The following DYNC2I1 variants were observed in gnomAD, a reference collection of about 807,000 sequenced individuals.
DYNC2I1 encodes dynein 2 intermediate chain 1, also known as cytoplasmic dynein 2 intermediate chain 1.
A neutral mutation model predicts 133.4 loss-of-function variants in DYNC2I1; 89 were observed. The observed-to-expected ratio is 0.67, with a 90% CI of 0.56 to 0.80. DYNC2I1 has a LOEUF of 0.80. Ranked by LOEUF, DYNC2I1 falls within the 30% of genes least tolerant of loss-of-function variation. The pLI is 0.00. For synonymous variants in DYNC2I1, 504 were observed against 484.3 expected, an observed-to-expected ratio of 1.04 and a Z score of -0.54; for missense variants, 1,291 against 1,314.5, an observed-to-expected ratio of 0.98 and a Z score of 0.28.
chr7:158,932,389 G>A (rs1052193400), intron 21 of DYNC2I1, among the ~76,000 whole-genome samples: 2 of 152,192 alleles, frequency 1.3e-5, no homozygotes, highest in Admixed American at 1.3e-4. Context: ...GGTGCCCAGA[G>A]GCACATTTGG....
chr7:158,936,584 G>A (rs1451409927), intron 23 of DYNC2I1, among the ~76,000 whole-genome samples: 1 of 152,224 alleles, frequency 6.6e-6, no homozygotes, highest in African/African-American at 2.4e-5. Flanking sequence ...CCGAGTGCCT[G>A]AAGGAAGAAA....
chr7:158,888,392 A>AT (rs1844830319), intron 7 of DYNC2I1, among the ~76,000 whole-genome samples: 1 of 151,652 alleles, frequency 6.6e-6, no homozygotes, highest in Non-Finnish European at 1.5e-5. Context: ...CTGGAGAATA[A>AT]TTTTTTCTTC....
intron 1 of DYNC2I1, among the ~76,000 whole-genome samples, chr7:158,868,952 C>T (rs1205026570): frequency 6.6e-6 from 1 of 152,222 alleles, no homozygotes; most frequent in Non-Finnish European, 1.5e-5. Context: ...GTCATACATC[C>T]CAGCTGCTGT....
At chr7:158,917,293 A>T (rs556798379) in intron 14 of DYNC2I1, among the ~76,000 whole-genome samples, 4 of 152,000 alleles carry the variant, frequency 2.6e-5, no homozygotes, top group African/African-American at 9.7e-5. Context: ...GCTGGTTGAA[A>T]TTAAGGATGA....
At chr7:158,952,259 C>A (rs892482962) in intron 4 of DYNC2I1, among the ~76,000 whole-genome samples, 7 of 152,160 alleles carry the variant, frequency 4.6e-5, no homozygotes, top group African/African-American at 1.7e-4. Context: ...CACCTTCTGT[C>A]CAGAGCAGTT....
In DYNC2I1 at chr7:158,856,600, C is replaced by T. The variant is rs1400531425; in HGVS notation, c.-136C>T. ...ACGCTGGGCAGTGCTTCTGGGCCCT[C>T]TGCTGCTCCTGCTTGTCGGTTGCTA... On this transcript the variant is annotated 5_prime_UTR_variant, in exon 1 of 25. Coordinates refer to ENST00000407559, the MANE Select transcript of DYNC2I1 (RefSeq NM_018051.5). The T allele has an allele frequency of 3.2e-6, 3 of 937,434 alleles. No homozygotes were observed. Among genetic ancestry groups the T allele is most frequent in the East Asian group, 3.3e-5 (1 of 30,094 alleles). 58.1% of individuals were successfully genotyped at this position (937,434 alleles called of 1,614,324 possible).
intron 8 of DYNC2I1, among the ~76,000 whole-genome samples, chr7:158,893,861 T>C (rs1254512709): frequency 6.6e-6 from 1 of 152,032 alleles, no homozygotes; most frequent in Non-Finnish European, 1.5e-5. Flanking sequence ...CTACCACATA[T>C]TGTACCACAT....
chr7:158,858,495 C>A (rs1841528393), intron 1 of DYNC2I1, among the ~76,000 whole-genome samples: 1 of 152,140 alleles, frequency 6.6e-6, no homozygotes. Context: ...CCATGTCTTT[C>A]ATAAATGGCC....
chr7:158,926,896 TA>T, intron 19 of DYNC2I1, 95 bp from the exon 20 acceptor site: 1 of 888,982 alleles, frequency 1.1e-6, no homozygotes, highest in Non-Finnish European at 1.7e-6. Flanking sequence ...TTTTAGTACC[TA>T]AATAGCACTC....
chr7:158,940,922 A>T (rs1206319044), intron 23 of DYNC2I1, among the ~76,000 whole-genome samples: 1 of 152,208 alleles, frequency 6.6e-6, no homozygotes, highest in African/African-American at 2.4e-5. Flanking sequence ...CACCTCAAGG[A>T]AGGAGAAAAG....
In DYNC2I1 at chr7:158,902,216, C is replaced by T. The variant is rs1355118304; in HGVS notation, c.1138-160C>T. On this transcript the variant is annotated intron_variant, in intron 9 of 24. Coordinates refer to ENST00000407559, the MANE Select transcript of DYNC2I1 (RefSeq NM_018051.5). ...AAGGTAGCAGTTTATATAAATTTAC[C>T]TTCAAAAACATTAAAATCAGGGAAC... Among the ~76,000 whole-genome samples, 8 of 152,146 alleles carry T rather than the reference C, an allele frequency of 5.3e-5. No individual in the cohort carries two copies. The East Asian group carries it at 1.4e-3, about 26-fold the overall frequency.
intron 4 of DYNC2I1, among the ~76,000 whole-genome samples, chr7:158,951,803 C>T (rs1174823986): frequency 6.6e-6 from 1 of 152,212 alleles, no homozygotes; most frequent in African/African-American, 2.4e-5. Context: ...CCAGTGTGTC[C>T]ATGGGAAGCT....
chr7:158,867,501 C>T (rs549854827), intron 1 of DYNC2I1, among the ~76,000 whole-genome samples: 2 of 152,326 alleles, frequency 1.3e-5, no homozygotes, highest in African/African-American at 2.4e-5. Flanking sequence ...GAATCACTAT[C>T]GCGAGGGTTG....
chr7:158,865,925 T>C (rs1232560463), intron 1 of DYNC2I1, among the ~76,000 whole-genome samples: 1 of 152,126 alleles, frequency 6.6e-6, no homozygotes, highest in Non-Finnish European at 1.5e-5. Context: ...AACTTGAGGG[T>C]AAACAGTCCA....
At chr7:158,888,017 TC>T (rs1230500676) in intron 7 of DYNC2I1, among the ~76,000 whole-genome samples, 4 of 146,506 alleles carry the variant, frequency 2.7e-5, no homozygotes, top group Admixed American at 2.0e-4. Flanking sequence ...CAAACCATTG[TC>T]CTTTTTTTTT....
intron 4 of DYNC2I1, among the ~76,000 whole-genome samples, chr7:158,954,307 C>G (rs560273118): frequency 6.6e-5 from 10 of 152,276 alleles, no homozygotes; most frequent in African/African-American, 2.4e-4. Flanking sequence ...TATCATGCAT[C>G]AGATACTTAT....
chr7:158,864,338 G>T (rs1056208860), intron 1 of DYNC2I1, among the ~76,000 whole-genome samples: 1 of 152,000 alleles, frequency 6.6e-6, no homozygotes, highest in African/African-American at 2.4e-5. Context: ...GGGTTGGGCC[G>T]CGGTGTCTCT....
chr7:158,849,649 C>T, the DYNC2I1 span, among the ~76,000 whole-genome samples: 1 of 152,220 alleles, frequency 6.6e-6, no homozygotes, highest in Non-Finnish European at 1.5e-5. Context: ...GGCAGCTCCG[C>T]TCTGCAGCTG....
At chr7:158,847,128 G>T in the DYNC2I1 span, among the ~76,000 whole-genome samples, 1 of 152,100 alleles carries the variant, frequency 6.6e-6, no homozygotes, top group Non-Finnish European at 1.5e-5. Flanking sequence ...GTAATATTTC[G>T]TAAGATTAAT....
Sources: gnomAD v4.1 joint callset for allele counts (sites outside exome capture counted in the v4.1 genomes callset) on GRCh38, gnomAD v4.1.1 for gene constraint, MANE v1.5 for transcripts, NCBI Gene and HGNC (gene_info 2026-07-23, HGNC 2026-07-21) for gene names.